SLC30A10: variants seen among roughly 807,000 people sequenced by gnomAD.
The protein encoded by SLC30A10 is solute carrier family 30 member 10.
A neutral mutation model predicts 21.7 loss-of-function variants in SLC30A10; 8 were observed. That is an observed-to-expected ratio of 0.37 (90% CI 0.22 to 0.67). The LOEUF (loss-of-function observed/expected upper bound fraction) is 0.67, where lower values mean the gene tolerates loss of function less well. Among genes scored for constraint, SLC30A10 ranks in the 30% least tolerant of loss-of-function variants. SLC30A10 has a pLI of 0.58. For synonymous variants in SLC30A10, 272 were observed against 279.4 expected, an observed-to-expected ratio of 0.97 and a Z score of 0.26; for missense variants, 521 against 642.5, an observed-to-expected ratio of 0.81 and a Z score of 2.04.
intron 2 of SLC30A10, among the ~76,000 whole-genome samples, chr1:219,921,834 A>C (rs191700377): frequency 8.7e-4 from 131 of 151,350 alleles, no homozygotes; most frequent in African/African-American, 3.1e-3. Context: ...ATGACCATTA[A>C]CTACAGTGCA....
At chr1:219,953,655 G>T (rs1660304059) in intron 1 of SLC30A10, among the ~76,000 whole-genome samples, 1 of 147,736 alleles carries the variant, frequency 6.8e-6, no homozygotes, top group South Asian at 2.1e-4. Context: ...CAATTATGCA[G>T]CTTCTCAAAT....
chr1:219,922,201 T>G lies in SLC30A10; in HGVS notation c.719-3707A>C, dbSNP rs1399026003. Among the ~76,000 whole-genome samples the G allele has an allele frequency of 1.0e-3, 60 of 58,518 alleles. 5 individuals carry two copies. The highest frequency in any genetic ancestry group is 2.9e-3 in the African/African-American group (51 of 17,710). The allele number at this position is 58,518 out of a possible 152,430, so 38.4% of individuals were successfully genotyped here. A position where few individuals can be genotyped will look rare whatever the true frequency, so the allele number is the denominator to read the frequency against. On this transcript the variant is annotated intron_variant, in intron 2 of 3. Transcript: ENST00000366926. ...GTTTTTTTTTTTTTTTTTTTTTTTT[T>G]TTTTTTTTTTTTTTTTTTTTTTTTT...
intron 1 of SLC30A10, among the ~76,000 whole-genome samples, chr1:219,957,397 C>G (rs1434836266): frequency 6.6e-6 from 1 of 152,126 alleles, no homozygotes; most frequent in Non-Finnish European, 1.5e-5. Context: ...GGTCCCCATA[C>G]TCAGTTATAT....
In SLC30A10 at chr1:219,915,781, G is replaced by C. The variant is rs1176286192; in HGVS notation, c.1126C>G (p.His376Asp). ...TTTTCAAACTGGATGGTCACATTGT[G>C]GATTCCCGCATGGTGGAAGATTTCT... ...IREIFHHAGI[H>D]NVTIQFENVD... The change falls in exon 4 of 4, where the codon CAC becomes GAC. Residue 376 changes from histidine (H) to aspartate (D), a missense_variant. Coordinates refer to ENST00000366926, the MANE Select transcript of SLC30A10 (RefSeq NM_018713.3). 1 of 1,614,066 alleles carries C rather than the reference G, an allele frequency of 6.2e-7. No individual in the cohort carries two copies. The highest frequency in any genetic ancestry group is 1.3e-5 in the African/African-American group (1 of 74,924).
chr1:219,915,643 G>C lies in SLC30A10; in HGVS notation c.1264C>G (p.Leu422Val). 6.2e-7 allele frequency: 1 copy of C among 1,614,270 alleles called. No individual in the cohort carries two copies. The highest frequency in any genetic ancestry group is 8.5e-7 in the Non-Finnish European group (1 of 1,180,054). The change falls in exon 4 of 4, where the codon CTG (leucine) becomes GTG (valine). Residue 422 changes from leucine (L) to valine (V), a missense_variant. Transcript: ENST00000366926. ...TCAGCACAGCCATTGACGTGAGCCA[G>C]AGGCAGTGCCCCGGGGGGACAACAC... is the stretch of plus-strand genomic sequence containing the variant. ...QLCCPPGALP[L>V]AHVNGCAEHN...
At position 219,912,107 on chromosome 1, in the gene SLC30A10, AC is replaced by A. The variant is rs1659425854; in HGVS notation, c.*3341del. On this transcript the variant is annotated 3_prime_UTR_variant, in exon 4 of 4. Transcript: ENST00000366926. The stretch of plus-strand genomic sequence containing the variant: ...CAGTGATTTCCTTGACATTCAAAAC[AC>A]CTGTCTCTACTGAACTTTAGAGTTC... Among the ~76,000 whole-genome samples the A allele has an allele frequency of 7.2e-6, 1 of 138,844 alleles. No individual in the cohort carries two copies. The highest frequency in any genetic ancestry group is 2.7e-5 in the African/African-American group (1 of 36,790). The allele number at this position is 138,844 out of a possible 152,430, so 91.1% of individuals were successfully genotyped here.
At chr1:219,945,044 T>G (rs1225545775) in intron 1 of SLC30A10, among the ~76,000 whole-genome samples, 3 of 152,190 alleles carry the variant, frequency 2.0e-5, no homozygotes, top group Non-Finnish European at 4.4e-5. Context: ...CTTAAGAGCA[T>G]TATGCTGAAA....
chr1:219,950,221 A>G (rs752532931), intron 1 of SLC30A10, among the ~76,000 whole-genome samples: 1 of 152,254 alleles, frequency 6.6e-6, no homozygotes, highest in Non-Finnish European at 1.5e-5. Context: ...AATGAGCTAC[A>G]TATTGACATT....
Position 219,914,287 on chromosome 1 carries a change from C to T in SLC30A10, c.*1162G>A, listed in dbSNP as rs921262186. 2 of 151,866 alleles carry T rather than the reference C, an allele frequency of 1.3e-5. No homozygotes were observed. Among genetic ancestry groups the T allele is most frequent in the South Asian group, 2.1e-4 (1 of 4,816 alleles). 9.4% of individuals were successfully genotyped at this position (151,866 alleles called of 1,614,324 possible). A position where few individuals can be genotyped will look rare whatever the true frequency, so the allele number is the denominator to read the frequency against. On this transcript the variant is annotated 3_prime_UTR_variant, in exon 4 of 4. Coordinates refer to ENST00000366926, the MANE Select transcript of SLC30A10 (RefSeq NM_018713.3). The stretch of plus-strand genomic sequence containing the variant: ...CATAGTTTGGTTATGGGTCTGAATC[C>T]GATTATAAAAATTTTATTTGAACTT...
chr1:219,937,755 C>T (rs1321654537), intron 1 of SLC30A10, among the ~76,000 whole-genome samples: 1 of 152,140 alleles, frequency 6.6e-6, no homozygotes, highest in Non-Finnish European at 1.5e-5. Context: ...GAGGTTGCAG[C>T]GAACTGAGCT....
chr1:219,927,638 T>TAAAAAAAAAAAAAAAAAAAAAAAA (rs77015523), intron 1 of SLC30A10, among the ~76,000 whole-genome samples, 163 bp downstream of exon 1: 1 of 53,420 alleles, frequency 1.9e-5, no homozygotes, highest in African/African-American at 5.6e-5. Context: ...ATGGATTTAT[T>TAAAAAAAAAAAAAAAAAAAAAAAA]AAAAAAAAAA....
At chr1:219,949,600 A>T (rs1223767585) in intron 1 of SLC30A10, among the ~76,000 whole-genome samples, 3 of 151,902 alleles carry the variant, frequency 2.0e-5, no homozygotes, top group Non-Finnish European at 4.4e-5. Context: ...CATTCTGGGG[A>T]CTGTTGGGGG....
rs572594481 is a variant in SLC30A10 at position 219,958,415 on chromosome 1, A to G, written n.80+153T>C. ...TCACAAGGAACCTCAAACTAAAGGC[A>G]ACTCTTCTGAGAAAGGTCGATTGTA... On this transcript the variant is annotated intron_variant and non_coding_transcript_variant, in intron 1 of 8. Transcript: ENST00000484239. Among the ~76,000 whole-genome samples the G allele has an allele frequency of 1.2e-4, 19 of 152,286 alleles. No homozygotes were observed. In the South Asian group the frequency reaches 3.3e-3, roughly 27 times the overall value.
In SLC30A10 at chr1:219,928,434, G is replaced by T; in HGVS notation, c.7C>A (p.Arg3Ser). 1.0e-5 allele frequency: 16 copies of T among 1,607,922 alleles called. No homozygotes were observed. The highest frequency in any genetic ancestry group is 1.3e-5 in the African/African-American group (1 of 74,726). Residue 3 changes from arginine (R) to serine (S), a missense_variant, in exon 1 of 4, where the codon CGC (arginine) becomes AGC (serine). Physicochemically the swap from Arg to Ser is moderately radical, Grantham distance 110. Transcript: ENST00000366926. The surrounding 1 kb of genome is among the most constrained non-coding windows in gnomAD (Gnocchi z 6.3). Reference sequence around the variant, plus strand: ...AGCCGGCACGTCTTGCCAGAGTAGCGGCCCATCTCGCCACCAGCCCCGGGC... The same window carrying T: ...AGCCGGCACGTCTTGCCAGAGTAGCTGCCCATCTCGCCACCAGCCCCGGGC... MGRYSGKTCRLLF... is the reference protein window; with the variant it reads MGSYSGKTCRLLF...
chr1:219,922,469 C>T (rs1292671487), intron 2 of SLC30A10, among the ~76,000 whole-genome samples: 3 of 151,866 alleles, frequency 2.0e-5, no homozygotes, highest in African/African-American at 4.8e-5. Context: ...CAGGAGAAGG[C>T]ATTTCAGACA....
intron 1 of SLC30A10, among the ~76,000 whole-genome samples, chr1:219,944,295 A>C (rs145881498): frequency 0.012 from 1,793 of 151,618 alleles, 39 homozygotes; most frequent in African/African-American, 0.042. Flanking sequence ...AAAAATACAA[A>C]AAATTAGCCA....
At position 219,933,927 on chromosome 1, in the gene SLC30A10, C is replaced by T. The variant is rs567355162; in HGVS notation, n.81-6822G>A. ...CAGCACTTTGTGGGGCCGAGGTGGGCGGATCACCTGAGGTCAGGAGTTCAA... is the reference window on the plus strand; with the variant it reads ...CAGCACTTTGTGGGGCCGAGGTGGGTGGATCACCTGAGGTCAGGAGTTCAA... On this transcript the variant is annotated intron_variant and non_coding_transcript_variant, in intron 1 of 8. Coordinates refer to the SLC30A10 transcript ENST00000484239. Among the ~76,000 whole-genome samples the T allele has an allele frequency of 2.8e-4, 42 of 152,122 alleles. No homozygotes were observed. The South Asian group carries it at 6.5e-3, about 23-fold the overall frequency.
chr1:219,938,952 T>C (rs1210866734), intron 1 of SLC30A10, among the ~76,000 whole-genome samples: 1 of 152,214 alleles, frequency 6.6e-6, no homozygotes, highest in Non-Finnish European at 1.5e-5. Flanking sequence ...GCTGCTGTCG[T>C]AGCTATGGGG....
Position 219,928,511 on chromosome 1 carries a change from G to A in SLC30A10, c.-71C>T, listed in dbSNP as rs1228719271. 1.5e-6 allele frequency: 2 copies of A among 1,362,410 alleles called. No homozygotes were observed. The highest frequency in any genetic ancestry group is 1.5e-5 in the African/African-American group (1 of 65,056). 84.4% of individuals were successfully genotyped at this position (1,362,410 alleles called of 1,614,324 possible). On this transcript the variant is annotated 5_prime_UTR_variant, in exon 1 of 4. Transcript: ENST00000366926. This position sits in a 1 kb window ranked among gnomAD's most constrained non-coding sequence, Gnocchi z 6.3. ...CCCACCCCGCGCGCAGCCACAGGTGGGGGGCGCGGCGCGGATCCGTGAGGC... is the reference window on the plus strand; with the variant it reads ...CCCACCCCGCGCGCAGCCACAGGTGAGGGGCGCGGCGCGGATCCGTGAGGC...
Sources: gnomAD v4.1 joint callset for allele counts (sites outside exome capture counted in the v4.1 genomes callset) on GRCh38, gnomAD v4.1.1 for gene constraint, Gnocchi (gnomAD v3.1) non-coding constraint, MANE v1.5 for transcripts, NCBI Gene and HGNC (gene_info 2026-07-23, HGNC 2026-07-21) for gene names.